DGKG: variants seen among roughly 807,000 people sequenced by gnomAD.
DGKG encodes the protein diacylglycerol kinase gamma.
In DGKG, 78 loss-of-function variants were observed where a neutral mutation model predicts 105.3. That is an observed-to-expected ratio of 0.74 (90% CI 0.62 to 0.89). DGKG has a LOEUF of 0.89. Ranked by LOEUF, DGKG falls within the 40% of genes least tolerant of loss-of-function variation. The probability of loss-of-function intolerance (pLI) is 0.00; values close to 1 mark genes in which losing one functional copy is unlikely to be tolerated. For missense variants in DGKG, 958 were observed against 1,020.1 expected (o/e 0.94, Z 0.83); for synonymous variants, 346 against 367.1 (o/e 0.94, Z 0.66).
intron 21 of DGKG, 31 bp downstream of exon 21, chr3:186,211,764 C>T (rs1663747517): frequency 1.3e-6 from 2 of 1,543,252 alleles, no homozygotes; most frequent in Admixed American, 3.3e-5. Context: ...AACCAAGATC[C>T]AGGAAGCCTT....
chr3:186,225,159 G>C (rs892152178), intron 20 of DGKG, among the ~76,000 whole-genome samples: 1 of 151,272 alleles, frequency 6.6e-6, no homozygotes, highest in Admixed American at 6.6e-5. Context: ...CAAGTGGTAC[G>C]ATTATATTAA....
intron 20 of DGKG, among the ~76,000 whole-genome samples, chr3:186,230,117 G>T (rs1054350134): frequency 4.6e-5 from 7 of 152,162 alleles, no homozygotes; most frequent in Non-Finnish European, 7.3e-5. Flanking sequence ...AATTAGCCGG[G>T]TGTGGTGGCG....
chr3:186,345,080 T>C (rs1726265442), intron 1 of DGKG, among the ~76,000 whole-genome samples: 2 of 152,364 alleles, frequency 1.3e-5, no homozygotes, highest in Middle Eastern at 3.4e-3. Flanking sequence ...TATTAATTGA[T>C]GTACATATTT....
chr3:186,288,269 A>G (rs1723160597), intron 6 of DGKG, among the ~76,000 whole-genome samples: 1 of 152,226 alleles, frequency 6.6e-6, no homozygotes, highest in Non-Finnish European at 1.5e-5. Context: ...ATGAGATCTC[A>G]AGAAAAGAAT....
At chr3:186,268,437 G>T (rs760347719) in intron 12 of DGKG, among the ~76,000 whole-genome samples, 44 of 152,162 alleles carry the variant, frequency 2.9e-4, no homozygotes, top group Admixed American at 7.2e-4. Flanking sequence ...CTCCTATGAT[G>T]CTCCTGTTGT....
chr3:186,243,167 A>G (rs1348177892), intron 19 of DGKG, among the ~76,000 whole-genome samples: 5 of 151,668 alleles, frequency 3.3e-5, no homozygotes, highest in Non-Finnish European at 5.9e-5. Context: ...ATCCACACCA[A>G]TAGAAATAAT....
intron 1 of DGKG, among the ~76,000 whole-genome samples, chr3:186,321,773 G>A (rs1725089129): frequency 6.6e-6 from 1 of 152,180 alleles, no homozygotes; most frequent in South Asian, 2.1e-4. Context: ...CTAGAGCTGA[G>A]GGAAGATGCT....
intron 22 of DGKG, among the ~76,000 whole-genome samples, chr3:186,173,313 G>A (rs755923523): frequency 6.6e-6 from 1 of 152,348 alleles, no homozygotes; most frequent in Non-Finnish European, 1.5e-5. Flanking sequence ...GAGAACAAAA[G>A]AGATAAAGAA....
At chr3:186,299,837 C>CTTTCTTTCTT (rs1560142091) in intron 3 of DGKG, among the ~76,000 whole-genome samples, 1 of 89,996 alleles carries the variant, frequency 1.1e-5, no homozygotes, top group African/African-American at 4.3e-5. Flanking sequence ...TTCTTTCTTT[C>CTTTCTTTCTT]TTTTTTTTTT....
At chr3:186,227,301 T>C (rs1719903057) in intron 20 of DGKG, among the ~76,000 whole-genome samples, 1 of 152,216 alleles carries the variant, frequency 6.6e-6, no homozygotes, top group African/African-American at 2.4e-5. Context: ...AATCCATTGA[T>C]TTATCTACTC....
intron 3 of DGKG, among the ~76,000 whole-genome samples, chr3:186,305,423 C>T (rs1724187181): frequency 1.3e-5 from 2 of 152,100 alleles, no homozygotes. Context: ...GGCTAATATG[C>T]TGAAAAGGAA....
At chr3:186,306,821 A>G in intron 3 of DGKG, 80 bp downstream of exon 3, 5 of 919,440 alleles carry the variant, frequency 5.4e-6, no homozygotes, top group Non-Finnish European at 8.8e-6. Flanking sequence ...AGGCAAGCGG[A>G]GTCTCCAAGA....
chr3:186,161,887 C>CGG lies in DGKG; in HGVS notation c.2217-225_2217-224insCC, dbSNP rs1553796336. On this transcript the variant is annotated intron_variant, in intron 23 of 24. Transcript: ENST00000265022. Reference sequence around the variant, plus strand: ...GGCCCAGTGGTCTGTGTTTCTGTGTCTGTGTGTGTGTGTGTGTGTGTTTTG... The same window carrying CGG: ...GGCCCAGTGGTCTGTGTTTCTGTGTCGGTGTGTGTGTGTGTGTGTGTGTTTTG... Among the ~76,000 whole-genome samples the CGG allele has an allele frequency of 3.0e-4, 45 of 150,298 alleles. No homozygotes were observed. The East Asian group carries it at 7.8e-3, about 26-fold the overall frequency.
At chr3:186,323,234 C>T (rs891764248) in intron 1 of DGKG, among the ~76,000 whole-genome samples, 3 of 152,140 alleles carry the variant, frequency 2.0e-5, no homozygotes, top group Non-Finnish European at 4.4e-5. Context: ...CAATTTAGTA[C>T]GAAAGTGAGG....
chr3:186,319,282 G>T (rs1449399907), intron 2 of DGKG, among the ~76,000 whole-genome samples: 1 of 152,188 alleles, frequency 6.6e-6, no homozygotes, highest in Non-Finnish European at 1.5e-5. Context: ...AGGGACCGCA[G>T]GGAGAGAACA....
intron 2 of DGKG, among the ~76,000 whole-genome samples, chr3:186,311,304 T>C (rs756284594): frequency 6.6e-6 from 1 of 152,224 alleles, no homozygotes; most frequent in African/African-American, 2.4e-5. Context: ...TGAATACTTA[T>C]TGCCAAGGGA....
chr3:186,261,468 C>T (rs1015584741), intron 15 of DGKG, among the ~76,000 whole-genome samples: 2 of 152,136 alleles, frequency 1.3e-5, no homozygotes, highest in African/African-American at 2.4e-5. Context: ...GGCTAAGCAC[C>T]GTGTCTGTTC....
At chr3:186,239,590 G>A (rs557150922) in intron 20 of DGKG, among the ~76,000 whole-genome samples, 12 of 152,346 alleles carry the variant, frequency 7.9e-5, no homozygotes, top group African/African-American at 2.9e-4. Flanking sequence ...AGACATGGGC[G>A]AATAGGCAGG....
In DGKG at chr3:186,298,045, T is replaced by C. The variant is rs766584801; in HGVS notation, c.310+19A>G. On this transcript the variant is annotated intron_variant, in intron 4 of 24. Coordinates refer to ENST00000265022, the MANE Select transcript of DGKG (RefSeq NM_001346.3). ...AGAGCTGCGCAAGGTCTTCCCATCT[T>C]GGGGAAAGCTCTGTGTACCTGCGCT... The C allele has an allele frequency of 1.3e-6, 2 of 1,592,622 alleles. No homozygotes were observed. Among genetic ancestry groups the C allele is most frequent in the Non-Finnish European group, 1.7e-6 (2 of 1,170,018 alleles).
Sources: gnomAD v4.1 joint callset for allele counts (sites outside exome capture counted in the v4.1 genomes callset) on GRCh38, gnomAD v4.1.1 for gene constraint, MANE v1.5 for transcripts, NCBI Gene and HGNC (gene_info 2026-07-23, HGNC 2026-07-21) for gene names.